HERC4: variants seen among roughly 807,000 people sequenced by gnomAD.
The protein encoded by HERC4 is HECT and RLD domain containing E3 ubiquitin protein ligase 4.
Under a neutral mutation model 124.3 loss-of-function variants are expected in HERC4, and 28 were observed. The observed-to-expected ratio is 0.23, with a 90% CI of 0.17 to 0.31. The LOEUF is 0.31. Among genes scored for constraint, HERC4 ranks in the 10% least tolerant of loss-of-function variants. HERC4 has a pLI of 1.00. For synonymous variants in HERC4, 407 were observed against 421.5 expected (o/e 0.97, Z 0.42); for missense variants, 713 against 1,229.3 (o/e 0.58, Z 6.28).
intron 10 of HERC4, 104 bp downstream of exon 10, chr10:67,992,502 C>A: frequency 9.3e-7 from 1 of 1,078,438 alleles, no homozygotes; most frequent in Non-Finnish European, 1.3e-6. Context: ...GGGAAAAAAA[C>A]TAAGGCAATT....
intron 16 of HERC4, among the ~76,000 whole-genome samples, chr10:67,958,539 C>T (rs2132342169): frequency 6.6e-6 from 1 of 152,246 alleles, no homozygotes; most frequent in African/African-American, 2.4e-5. Flanking sequence ...AAAGCAAAAC[C>T]TGACATCTAT....
intron 16 of HERC4, among the ~76,000 whole-genome samples, chr10:67,962,676 GT>G (rs976757493): frequency 2.3e-4 from 35 of 152,238 alleles, no homozygotes; most frequent in African/African-American, 7.9e-4. Flanking sequence ...ATAGCAAAGA[GT>G]TTGGTAGTAA....
chr10:67,994,210 C>A (rs752940642), intron 9 of HERC4: 1 of 152,074 alleles, frequency 6.6e-6, no homozygotes, highest in Non-Finnish European at 1.5e-5. Context: ...AATTATTCAA[C>A]CTAAAATCTT....
chr10:68,032,214 C>T (rs1394312403), intron 7 of HERC4, among the ~76,000 whole-genome samples: 1 of 152,200 alleles, frequency 6.6e-6, no homozygotes, highest in Non-Finnish European at 1.5e-5. Flanking sequence ...CATCTAACTT[C>T]TAGTCACTCA....
intron 21 of HERC4, 77 bp from the exon 22 acceptor site, chr10:67,936,312 C>T: frequency 1.3e-6 from 1 of 787,452 alleles, no homozygotes; most frequent in Non-Finnish European, 2.0e-6. Context: ...TTCTACCTTT[C>T]TCTCATTTAA....
At chr10:67,991,369 AAAT>A (rs2036540598) in intron 11 of HERC4, among the ~76,000 whole-genome samples, 170 bp from the exon 12 acceptor site, 1 of 152,164 alleles carries the variant, frequency 6.6e-6, no homozygotes. Flanking sequence ...AAGACTGATA[AAAT>A]AATACTTGAT....
At chr10:67,999,639 C>G (rs2132909721) in intron 9 of HERC4, among the ~76,000 whole-genome samples, 2 of 152,208 alleles carry the variant, frequency 1.3e-5, no homozygotes, top group South Asian at 4.2e-4. Context: ...AAACTGCTAA[C>G]CCAAGGTCCA....
rs879342343 is a variant in HERC4 at position 68,061,740 on chromosome 10, G to A, written c.226+11143C>T. 5.3e-5 allele frequency among the ~76,000 whole-genome samples: 8 copies of A among 151,030 alleles called. 1 individual carries two copies. Among genetic ancestry groups the A allele is most frequent in the Admixed American group, 2.6e-4 (4 of 15,130 alleles). ...CTAAAAATACAAAAAAATTAGCCGG[G>A]CATGGTGGCGGGTGCCTGTAATCCC... On this transcript the variant is annotated intron_variant, in intron 3 of 24. Transcript: ENST00000373700.
intron 15 of HERC4, among the ~76,000 whole-genome samples, chr10:67,981,818 G>A (rs1589241790): frequency 4.6e-5 from 7 of 152,258 alleles, no homozygotes; most frequent in Admixed American, 2.0e-4. Context: ...GGAGTGGCCT[G>A]TAATCCCAGC....
intron 15 of HERC4, among the ~76,000 whole-genome samples, chr10:67,976,667 T>C (rs1052438142): frequency 1.3e-5 from 2 of 152,152 alleles, no homozygotes; most frequent in Non-Finnish European, 2.9e-5. Context: ...CAAAAAAGTC[T>C]TGAATCACCA....
At chr10:68,021,085 C>T (rs1487661296) in intron 8 of HERC4, among the ~76,000 whole-genome samples, 1 of 152,272 alleles carries the variant, frequency 6.6e-6, no homozygotes, top group East Asian at 1.9e-4. Context: ...ATCTAAACAT[C>T]CATAAGCCCC....
chr10:68,019,856 G>C (rs374549105), intron 8 of HERC4, among the ~76,000 whole-genome samples: 19 of 152,268 alleles, frequency 1.2e-4, no homozygotes, highest in African/African-American at 4.3e-4. Context: ...TGGTGCTTCT[G>C]ATCACCAAGG....
At chr10:67,985,539 A>G (rs2036209686) in intron 15 of HERC4, among the ~76,000 whole-genome samples, 1 of 152,170 alleles carries the variant, frequency 6.6e-6, no homozygotes, top group Non-Finnish European at 1.5e-5. Context: ...GTTTGGTTTT[A>G]TTTAAGGGTT....
chr10:68,065,588 T>TTA (rs1416765663), intron 3 of HERC4, among the ~76,000 whole-genome samples: 1 of 152,004 alleles, frequency 6.6e-6, no homozygotes, highest in East Asian at 1.9e-4. Flanking sequence ...CAAACTCTAA[T>TTA]AAGGCCTGGC....
At chr10:68,070,729 A>G (rs2041532714) in intron 3 of HERC4, 1 of 152,174 alleles carries the variant, frequency 6.6e-6, no homozygotes, top group Non-Finnish European at 1.5e-5. Flanking sequence ...TCCCTCTGAA[A>G]CCTAGGTTCA....
At chr10:67,958,932 A>C (rs1013735518) in intron 16 of HERC4, among the ~76,000 whole-genome samples, 1 of 152,178 alleles carries the variant, frequency 6.6e-6, no homozygotes, top group Non-Finnish European at 1.5e-5. Context: ...TTCTTCAGAA[A>C]ACTTCTGAAA....
intron 8 of HERC4, among the ~76,000 whole-genome samples, chr10:68,022,540 T>A (rs1246599634): frequency 2.0e-5 from 3 of 148,374 alleles, no homozygotes; most frequent in Non-Finnish European, 4.4e-5. Context: ...AATAAATAAA[T>A]AAAATTCAAA....
intron 16 of HERC4, chr10:67,960,937 G>T: frequency 6.1e-6 from 2 of 326,110 alleles, no homozygotes; most frequent in Non-Finnish European, 1.2e-5. Context: ...CTTCTTTCAA[G>T]TCACTTGTCT....
At chr10:68,032,273 G>A (rs746208264) in intron 7 of HERC4, among the ~76,000 whole-genome samples, 1 of 152,206 alleles carries the variant, frequency 6.6e-6, no homozygotes, top group Non-Finnish European at 1.5e-5. Flanking sequence ...AAGACAGTGA[G>A]AGGTCAGAGT....
Sources: gnomAD v4.1 joint callset for allele counts (sites outside exome capture counted in the v4.1 genomes callset) on GRCh38, gnomAD v4.1.1 for gene constraint, MANE v1.5 for transcripts, NCBI Gene and HGNC (gene_info 2026-07-23, HGNC 2026-07-21) for gene names.